CDH12: variants seen among roughly 807,000 people sequenced by gnomAD.
CDH12 encodes cadherin 12.
In CDH12, 41 loss-of-function variants were observed where a neutral mutation model predicts 74.1. The observed-to-expected ratio is 0.55, with a 90% CI of 0.43 to 0.72. CDH12 has a LOEUF of 0.72. Ranked by LOEUF, CDH12 falls within the 30% of genes least tolerant of loss-of-function variation. CDH12 has a pLI of 0.00. For missense variants in CDH12, 945 were observed against 977.2 expected (o/e 0.97, Z 0.44); for synonymous variants, 399 against 355.0 (o/e 1.12, Z -1.39).
intron 8 of CDH12, among the ~76,000 whole-genome samples, chr5:21,832,964 T>C (rs1441016305): frequency 3.1e-5 from 3 of 97,192 alleles, no homozygotes; most frequent in South Asian, 2.7e-4. Context: ...TGTAATATGA[T>C]ATATGATATA....
intron 9 of CDH12, among the ~76,000 whole-genome samples, chr5:21,811,930 G>C (rs2149937813): frequency 6.6e-6 from 1 of 152,006 alleles, no homozygotes; most frequent in African/African-American, 2.4e-5. Flanking sequence ...GTGAATCAAA[G>C]TTAAGGTTAA....
chr5:22,793,719 G>T (rs1748039618), intron 1 of CDH12, among the ~76,000 whole-genome samples: 1 of 150,930 alleles, frequency 6.6e-6, no homozygotes, highest in Non-Finnish European at 1.5e-5. Context: ...ACATCATAAA[G>T]CCTGATCTCA....
At chr5:22,070,157 A>T (rs1198152536) in intron 5 of CDH12, among the ~76,000 whole-genome samples, 1 of 152,156 alleles carries the variant, frequency 6.6e-6, no homozygotes, top group Non-Finnish European at 1.5e-5. Context: ...TTGACTTGAT[A>T]TCATGGTATT....
intron 1 of CDH12, among the ~76,000 whole-genome samples, chr5:22,648,648 G>C (rs1580849661): frequency 6.6e-6 from 1 of 151,940 alleles, no homozygotes; most frequent in East Asian, 1.9e-4. Flanking sequence ...CACAGGTACA[G>C]ATATATGATT....
At chr5:22,594,670 T>C (rs1457522416) in intron 1 of CDH12, among the ~76,000 whole-genome samples, 1 of 152,130 alleles carries the variant, frequency 6.6e-6, no homozygotes, top group African/African-American at 2.4e-5. Context: ...GTAGCTGAAA[T>C]GAGCATTTTA....
chr5:22,832,240 T>C (rs372634591), intron 1 of CDH12, among the ~76,000 whole-genome samples: 1 of 152,154 alleles, frequency 6.6e-6, no homozygotes, highest in African/African-American at 2.4e-5. Context: ...TGTAGTTGCT[T>C]GGAAGATTAT....
At chr5:22,302,442 T>C (rs763686607) in intron 3 of CDH12, among the ~76,000 whole-genome samples, 11 of 152,110 alleles carry the variant, frequency 7.2e-5, no homozygotes, top group Non-Finnish European at 1.6e-4. Flanking sequence ...TTAATGGAGA[T>C]TGAGTAGATA....
intron 3 of CDH12, among the ~76,000 whole-genome samples, chr5:22,273,965 T>C (rs1736515630): frequency 6.6e-6 from 1 of 152,148 alleles, no homozygotes; most frequent in African/African-American, 2.4e-5. Context: ...AAATCTACCT[T>C]GGACCTTTTT....
At chr5:21,816,731 G>C (rs1189860594) in intron 9 of CDH12, among the ~76,000 whole-genome samples, 2 of 149,304 alleles carry the variant, frequency 1.3e-5, no homozygotes, top group African/African-American at 4.9e-5. Context: ...CTGGTCAAGA[G>C]TAAGCTATTA....
At chr5:22,814,897 T>C (rs1214264225) in intron 1 of CDH12, among the ~76,000 whole-genome samples, 1 of 152,220 alleles carries the variant, frequency 6.6e-6, no homozygotes, top group Non-Finnish European at 1.5e-5. Flanking sequence ...GAGTTTTTTC[T>C]TAACTATAAG....
At chr5:22,045,498 C>A (rs778923213) in intron 5 of CDH12, among the ~76,000 whole-genome samples, 2 of 151,022 alleles carry the variant, frequency 1.3e-5, no homozygotes, top group African/African-American at 4.9e-5. Context: ...ATGTTTAATG[C>A]AGCACTATTC....
At position 21,952,207 on chromosome 5, in the gene CDH12, G is replaced by C. The variant is rs1187838346; in HGVS notation, c.526+22884C>G. 2.0e-5 allele frequency among the ~76,000 whole-genome samples: 3 copies of C among 152,132 alleles called. No homozygotes were observed. In the South Asian group the frequency reaches 6.2e-4, roughly 32 times the overall value. On this transcript the variant is annotated intron_variant, in intron 6 of 14. Coordinates refer to ENST00000382254, the MANE Select transcript of CDH12 (RefSeq NM_004061.5). ...ATTGTTCAAAGAGTGACTCGCAGTT[G>C]AGAGTCCCTGGGACCTGAAGTAGGG...
At chr5:22,392,970 AT>A (rs1742307198) in intron 3 of CDH12, among the ~76,000 whole-genome samples, 1 of 151,868 alleles carries the variant, frequency 6.6e-6, no homozygotes, top group Non-Finnish European at 1.5e-5. Flanking sequence ...CAGGCAGCCT[AT>A]TTTTTTTCTC....
intron 1 of CDH12, among the ~76,000 whole-genome samples, chr5:22,531,169 A>G (rs1368733998): frequency 6.6e-6 from 1 of 152,192 alleles, no homozygotes; most frequent in African/African-American, 2.4e-5. Context: ...TATGCTAAAG[A>G]CAAATAATTG....
chr5:22,016,329 G>A (rs1737605380), intron 5 of CDH12, among the ~76,000 whole-genome samples: 2 of 152,042 alleles, frequency 1.3e-5, no homozygotes, highest in Non-Finnish European at 2.9e-5. Context: ...GTTTATGTAA[G>A]CTGGTGAAAG....
At chr5:22,692,745 C>T (rs1580893364) in intron 1 of CDH12, among the ~76,000 whole-genome samples, 1 of 152,008 alleles carries the variant, frequency 6.6e-6, no homozygotes, top group Non-Finnish European at 1.5e-5. Context: ...CCAGTGATTG[C>T]TTTATTTTCT....
chr5:22,372,323 C>T (rs779015402), intron 3 of CDH12, among the ~76,000 whole-genome samples: 1 of 152,096 alleles, frequency 6.6e-6, no homozygotes, highest in Non-Finnish European at 1.5e-5. Flanking sequence ...GGAGAGGGAA[C>T]CAGGCAGCCT....
At chr5:22,107,482 A>ATGTATATATACACATATAATTATTATATG (rs1744536849) in intron 4 of CDH12, among the ~76,000 whole-genome samples, 1 of 150,668 alleles carries the variant, frequency 6.6e-6, no homozygotes, top group Non-Finnish European at 1.5e-5. Flanking sequence ...ATACATACGT[A>ATGTATATATACACATATAATTATTATATG]TGTATATATA....
chr5:22,237,662 G>C (rs1289347388), intron 3 of CDH12, among the ~76,000 whole-genome samples: 2 of 152,134 alleles, frequency 1.3e-5, no homozygotes, highest in Admixed American at 1.3e-4. Flanking sequence ...TTTTGTTATA[G>C]CATCTTGAGC....
Sources: allele counts gnomAD v4.1 joint callset (sites outside exome capture counted in the v4.1 genomes callset), GRCh38; gene constraint gnomAD v4.1.1; transcripts MANE v1.5; gene names NCBI Gene and HGNC (gene_info 2026-07-23, HGNC 2026-07-21).